The following CCDC60 variants were observed in gnomAD, a reference collection of about 807,000 sequenced individuals.
The protein encoded by CCDC60 is coiled-coil domain-containing protein 60.
A neutral mutation model predicts 63.5 loss-of-function variants in CCDC60; 54 were observed. The ratio of observed to expected loss-of-function variants is 0.85; its 90% confidence interval spans 0.68 to 1.07. The LOEUF is 1.07. Ranked by LOEUF, CCDC60 falls within the 50% of genes least tolerant of loss-of-function variation. CCDC60 has a pLI of 0.00. For missense variants in CCDC60, 651 were observed against 684.3 expected (o/e 0.95, Z 0.54); for synonymous variants, 206 against 238.8 (o/e 0.86, Z 1.27).
chr12:119,343,505 T>C (rs938830930), intron 1 of CCDC60, among the ~76,000 whole-genome samples: 1 of 152,044 alleles, frequency 6.6e-6, no homozygotes. Flanking sequence ...TTGAGGTATA[T>C]ATTGAGCACC....
intron 5 of CCDC60, among the ~76,000 whole-genome samples, chr12:119,496,039 T>C (rs922519430): frequency 1.3e-5 from 2 of 152,114 alleles, no homozygotes; most frequent in Non-Finnish European, 2.9e-5. Context: ...ACTGTGGTAC[T>C]CCAGTGGACA....
In CCDC60 at chr12:119,335,153, G is replaced by T; in HGVS notation, c.-24G>T. ...AAAAATCCTTGTCTTGGGGGCACAG[G>T]CTAAAACCTGAAGGATTTTTAAGAT... On this transcript the variant is annotated 5_prime_UTR_variant, in exon 1 of 14. Coordinates refer to ENST00000327554, the MANE Select transcript of CCDC60 (RefSeq NM_178499.5). 1 of 1,593,474 alleles carries T rather than the reference G, an allele frequency of 6.3e-7. No homozygotes were observed. Among genetic ancestry groups the T allele is most frequent in the Non-Finnish European group, 8.6e-7 (1 of 1,168,400 alleles).
intron 13 of CCDC60, among the ~76,000 whole-genome samples, chr12:119,534,646 A>T (rs1952949314): frequency 6.6e-6 from 1 of 152,186 alleles, no homozygotes; most frequent in Non-Finnish European, 1.5e-5. Context: ...ATTTTGTCAA[A>T]GGCCTTTTCT....
At chr12:119,421,665 G>C (rs145443538) in intron 1 of CCDC60, among the ~76,000 whole-genome samples, 19 of 152,308 alleles carry the variant, frequency 1.2e-4, no homozygotes, top group African/African-American at 4.6e-4. Context: ...ATTGGCATTA[G>C]TTCTGGTAGG....
In CCDC60 at chr12:119,410,359, A is replaced by T. The variant is rs1001923203; in HGVS notation, c.91-18324A>T. Among the ~76,000 whole-genome samples the T allele has an allele frequency of 6.6e-6, 1 of 152,146 alleles. No homozygotes were observed. The highest frequency in any genetic ancestry group is 2.4e-5 in the African/African-American group (1 of 41,420). On this transcript the variant is annotated intron_variant, in intron 1 of 13. Coordinates refer to ENST00000327554, the MANE Select transcript of CCDC60 (RefSeq NM_178499.5). This position sits in a 1 kb window ranked among gnomAD's most constrained non-coding sequence, Gnocchi z 4.0. The stretch of plus-strand genomic sequence containing the variant: ...TGTACCTTTTGATACATTTTTTTAA[A>T]CCATTTGAAAATACTACTTGCTTTA...
chr12:119,396,135 A>G (rs1256306329), intron 1 of CCDC60, among the ~76,000 whole-genome samples: 1 of 151,938 alleles, frequency 6.6e-6, no homozygotes, highest in Non-Finnish European at 1.5e-5. Flanking sequence ...ACTGAGTCTC[A>G]CCATGTTGGC....
chr12:119,347,204 A>T, intron 1 of CCDC60, among the ~76,000 whole-genome samples: 1 of 152,200 alleles, frequency 6.6e-6, no homozygotes, highest in Non-Finnish European at 1.5e-5. Context: ...TAAAAAAGAC[A>T]TATTTTGATA....
intron 2 of CCDC60, among the ~76,000 whole-genome samples, chr12:119,443,961 G>T (rs1232310291): frequency 6.6e-6 from 1 of 152,116 alleles, no homozygotes; most frequent in Non-Finnish European, 1.5e-5. Context: ...TTACACACAG[G>T]CACACATACA....
chr12:119,484,575 A>AGG (rs1951394580), intron 4 of CCDC60, among the ~76,000 whole-genome samples: 3 of 151,990 alleles, frequency 2.0e-5, no homozygotes, highest in African/African-American at 7.2e-5. Context: ...CTGTCTGGGC[A>AGG]GGTGTCACAT....
intron 1 of CCDC60, among the ~76,000 whole-genome samples, chr12:119,415,521 G>A (rs1434527098): frequency 1.3e-5 from 2 of 152,240 alleles, no homozygotes; most frequent in East Asian, 3.8e-4. Flanking sequence ...AGGCAATGGA[G>A]TCATGGGATT....
chr12:119,346,086 A>G (rs988971600), intron 1 of CCDC60, among the ~76,000 whole-genome samples: 30 of 151,420 alleles, frequency 2.0e-4, no homozygotes, highest in African/African-American at 7.3e-4. Context: ...CGGCCTCCCA[A>G]AGTGCTGGGA....
chr12:119,520,485 T>C (rs1435074475), intron 9 of CCDC60, among the ~76,000 whole-genome samples: 2 of 152,046 alleles, frequency 1.3e-5, no homozygotes, highest in East Asian at 3.8e-4. Flanking sequence ...CTTGGGTAAT[T>C]TATAATGGAG....
chr12:119,507,602 ATATATATATATATTTTTTTT>A (rs1952078008), intron 7 of CCDC60, among the ~76,000 whole-genome samples: 1 of 23,842 alleles, frequency 4.2e-5, no homozygotes, highest in African/African-American at 2.7e-4. Context: ...ATATATATAT[ATATATATATATATTTTTTTT>A]TTTTTTTTCT....
At chr12:119,455,583 C>T (rs181417971) in intron 2 of CCDC60, among the ~76,000 whole-genome samples, 7 of 151,962 alleles carry the variant, frequency 4.6e-5, no homozygotes, top group Non-Finnish European at 2.9e-5. Context: ...CATGTGCAGG[C>T]GGGTCACAGT....
chr12:119,474,097 A>T (rs1951125817), intron 3 of CCDC60, among the ~76,000 whole-genome samples: 1 of 152,214 alleles, frequency 6.6e-6, no homozygotes, highest in Non-Finnish European at 1.5e-5. Context: ...AAAGTGCTCA[A>T]CATCGCTAAT....
rs1247602589 is a variant in CCDC60 at position 119,538,026 on chromosome 12, G to A, written c.1552-2588G>A. Among the ~76,000 whole-genome samples, 14 of 152,346 alleles carry A rather than the reference G, an allele frequency of 9.2e-5. No homozygotes were observed. The East Asian group carries it at 2.5e-3, about 27-fold the overall frequency. ...TCAGCTATGCCCTGCCCCCAGAGGT[G>A]GAATCTACAGAGGCAACAGGCCTTG... On this transcript the variant is annotated intron_variant, in intron 13 of 13. Coordinates refer to ENST00000327554, the MANE Select transcript of CCDC60 (RefSeq NM_178499.5).
At chr12:119,373,987 C>CTT (rs879654743) in intron 1 of CCDC60, among the ~76,000 whole-genome samples, 2 of 146,810 alleles carry the variant, frequency 1.4e-5, no homozygotes, top group Admixed American at 6.8e-5. Context: ...AGAACTTTAT[C>CTT]TTTTTTTTTT....
At chr12:119,349,387 C>G (rs1441118019) in intron 1 of CCDC60, among the ~76,000 whole-genome samples, 1 of 149,336 alleles carries the variant, frequency 6.7e-6, no homozygotes, top group Non-Finnish European at 1.5e-5. Context: ...TCTCTGTTGC[C>G]CAGGCTAGAG....
intron 2 of CCDC60, among the ~76,000 whole-genome samples, chr12:119,436,541 C>CTT (rs34712445): frequency 0.066 from 9,452 of 143,868 alleles, 360 homozygotes; most frequent in East Asian, 0.1. Flanking sequence ...GATGCCAATA[C>CTT]TTTTTTTTTT....
Sources: allele counts gnomAD v4.1 joint callset (sites outside exome capture counted in the v4.1 genomes callset), GRCh38; gene constraint gnomAD v4.1.1; non-coding constraint Gnocchi (gnomAD v3.1); transcripts MANE v1.5; gene names NCBI Gene and HGNC (gene_info 2026-07-23, HGNC 2026-07-21).